Variants in GNAQ observed in about 807,000 individuals in gnomAD.
The protein encoded by GNAQ is G protein subunit alpha q, also known as guanine nucleotide-binding protein G(q) subunit alpha.
In GNAQ, 8 loss-of-function variants were observed where a neutral mutation model predicts 43.9. The observed-to-expected ratio is 0.18, with a 90% CI of 0.11 to 0.33. The LOEUF is 0.33. Ranked by LOEUF, GNAQ falls within the 10% of genes least tolerant of loss-of-function variation. GNAQ has a pLI of 1.00. For synonymous variants in GNAQ, 155 were observed against 170.7 expected (o/e 0.91, Z 0.71); for missense variants, 158 against 450.8 (o/e 0.35, Z 5.88).
intron 2 of GNAQ, among the ~76,000 whole-genome samples, chr9:77,914,307 G>C (rs1433533100): frequency 3.9e-5 from 6 of 152,114 alleles, no homozygotes; most frequent in African/African-American, 7.2e-5. Context: ...ACCAATCTTA[G>C]AAAAAGAGGT....
chr9:77,798,901 A>G (rs1413040145), intron 3 of GNAQ, among the ~76,000 whole-genome samples: 1 of 152,092 alleles, frequency 6.6e-6, no homozygotes, highest in Non-Finnish European at 1.5e-5. Context: ...GTTCTATGAG[A>G]TTTTATATGT....
intron 5 of GNAQ, among the ~76,000 whole-genome samples, chr9:77,763,948 T>C (rs941636754): frequency 1.3e-5 from 2 of 152,256 alleles, no homozygotes; most frequent in Non-Finnish European, 2.9e-5. Context: ...GTTTTGTTAG[T>C]TGTTTTGTTT....
intron 2 of GNAQ, among the ~76,000 whole-genome samples, chr9:77,841,279 G>C (rs1012266075): frequency 8.5e-5 from 13 of 152,176 alleles, no homozygotes; most frequent in African/African-American, 3.1e-4. Context: ...TGAGAGGCTT[G>C]CAGTAAAAAT....
At chr9:77,947,710 G>A (rs942668169) in intron 1 of GNAQ, among the ~76,000 whole-genome samples, 1 of 152,170 alleles carries the variant, frequency 6.6e-6, no homozygotes. Flanking sequence ...CTGTGCATTC[G>A]AATGTCCTGG....
chr9:77,867,089 A>C (rs1466290737), intron 2 of GNAQ, among the ~76,000 whole-genome samples: 11 of 152,258 alleles, frequency 7.2e-5, no homozygotes, highest in African/African-American at 2.4e-4. Flanking sequence ...CAATTGCATC[A>C]TCTTCCCTAC....
At chr9:77,763,688 G>A (rs767265667) in intron 5 of GNAQ, among the ~76,000 whole-genome samples, 6 of 152,152 alleles carry the variant, frequency 3.9e-5, no homozygotes, top group Non-Finnish European at 7.3e-5. Context: ...CTGTGAATAC[G>A]ACTGAGCTGT....
At chr9:77,931,710 C>A (rs886705987) in intron 1 of GNAQ, among the ~76,000 whole-genome samples, 1 of 152,206 alleles carries the variant, frequency 6.6e-6, no homozygotes. Context: ...GCATATGCTA[C>A]CTATTCCAGT....
chr9:77,927,306 T>G (rs1829084096), intron 1 of GNAQ, among the ~76,000 whole-genome samples: 1 of 152,256 alleles, frequency 6.6e-6, no homozygotes, highest in Non-Finnish European at 1.5e-5. Flanking sequence ...TTAATGGTAA[T>G]AAATTAGCAT....
Position 77,934,037 on chromosome 9 carries a change from GA to G in GNAQ, c.137-11693del, listed in dbSNP as rs1168268895. 2.0e-5 allele frequency among the ~76,000 whole-genome samples: 3 copies of G among 152,126 alleles called. No homozygotes were observed. The South Asian group carries it at 6.2e-4, about 31-fold the overall frequency. Reference sequence around the variant, plus strand: ...ACAACAAATTACATTTATAACAGAGGAAAAGGCCTAAGATGGATTTGAAATG... The same window carrying G: ...ACAACAAATTACATTTATAACAGAGGAAAGGCCTAAGATGGATTTGAAATG... On this transcript the variant is annotated intron_variant, in intron 1 of 6. Coordinates refer to ENST00000286548, the MANE Select transcript of GNAQ (RefSeq NM_002072.5).
chr9:77,999,254 T>C (rs1317840971), intron 1 of GNAQ, among the ~76,000 whole-genome samples: 5 of 152,164 alleles, frequency 3.3e-5, no homozygotes, highest in Admixed American at 6.5e-5. Flanking sequence ...GCTTACATGA[T>C]TCAATTCTAG....
intron 2 of GNAQ, among the ~76,000 whole-genome samples, chr9:77,880,276 G>C (rs1828187769): frequency 6.6e-6 from 1 of 152,066 alleles, no homozygotes; most frequent in African/African-American, 2.4e-5. Context: ...TTAGGAATTT[G>C]TAATAATGTT....
intron 3 of GNAQ, among the ~76,000 whole-genome samples, chr9:77,812,990 G>A (rs547463119): frequency 6.6e-5 from 10 of 151,862 alleles, no homozygotes; most frequent in Admixed American, 2.6e-4. Flanking sequence ...TTGGCTCACC[G>A]CAACCTCTGC....
chr9:77,948,851 T>C (rs1275175620), intron 1 of GNAQ, among the ~76,000 whole-genome samples: 2 of 151,982 alleles, frequency 1.3e-5, no homozygotes, highest in Non-Finnish European at 2.9e-5. Flanking sequence ...AACCAACAGC[T>C]CCGTGTGAAG....
intron 1 of GNAQ, among the ~76,000 whole-genome samples, chr9:77,946,841 C>T (rs542159700): frequency 2.6e-5 from 4 of 152,312 alleles, no homozygotes; most frequent in South Asian, 2.1e-4. Context: ...CTTTCTTCAT[C>T]TGCAAAATGA....
At chr9:77,814,057 A>G (rs1826972505) in intron 3 of GNAQ, among the ~76,000 whole-genome samples, 1 of 152,156 alleles carries the variant, frequency 6.6e-6, no homozygotes, top group African/African-American at 2.4e-5. Context: ...ACAGGGAATG[A>G]TGGATGAGAC....
chr9:77,815,985 G>A (rs1242366866), intron 2 of GNAQ, among the ~76,000 whole-genome samples: 1 of 152,054 alleles, frequency 6.6e-6, no homozygotes, highest in Non-Finnish European at 1.5e-5. Context: ...ATGCTACTTA[G>A]AATTGATTAG....
intron 1 of GNAQ, among the ~76,000 whole-genome samples, chr9:77,992,486 TGA>T (rs1823520135): frequency 6.6e-6 from 1 of 152,032 alleles, no homozygotes; most frequent in African/African-American, 2.4e-5. Context: ...CTTGGACTTT[TGA>T]GAGACAGAAG....
At chr9:77,756,988 C>A (rs1041060812) in intron 5 of GNAQ, among the ~76,000 whole-genome samples, 1 of 152,190 alleles carries the variant, frequency 6.6e-6, no homozygotes, top group African/African-American at 2.4e-5. Context: ...TCCATTCACA[C>A]TGATAACAGC....
At chr9:77,930,751 T>C (rs1829138162) in intron 1 of GNAQ, among the ~76,000 whole-genome samples, 1 of 152,152 alleles carries the variant, frequency 6.6e-6, no homozygotes, top group South Asian at 2.1e-4. Context: ...AATTTTTTCA[T>C]ATCCTCTAAT....
Sources: gnomAD v4.1 joint callset for allele counts (sites outside exome capture counted in the v4.1 genomes callset) on GRCh38, gnomAD v4.1.1 for gene constraint, MANE v1.5 for transcripts, NCBI Gene and HGNC (gene_info 2026-07-23, HGNC 2026-07-21) for gene names.